The following RASGRP4 variants were observed in gnomAD, a reference collection of about 807,000 sequenced individuals.
The protein encoded by RASGRP4 is RAS guanyl releasing protein 4.
A neutral mutation model predicts 84.4 loss-of-function variants in RASGRP4; 52 were observed. That is an observed-to-expected ratio of 0.62 (90% confidence interval 0.49 to 0.78). The LOEUF (loss-of-function observed/expected upper bound fraction) is 0.78, where lower values mean the gene tolerates loss of function less well. RASGRP4 is among the 30% of genes least tolerant of loss of function. RASGRP4 has a pLI of 0.00. For synonymous variants in RASGRP4, 356 were observed against 359.1 expected (o/e 0.99, Z 0.10); for missense variants, 760 against 886.9 (o/e 0.86, Z 1.82).
Position 38,411,095 on chromosome 19 carries a change from C to T in RASGRP4, c.1852+20G>A, listed in dbSNP as rs746017154. The T allele has an allele frequency of 1.6e-5, 25 of 1,610,436 alleles. No homozygotes were observed. The South Asian group carries it at 1.6e-4, about 11-fold the overall frequency. Reference sequence around the variant, plus strand: ...TTTCCCCCAGGCCCCTTCCCAGCACCGGTGTGCTCTAGGTCTTACCACAGC... The same window carrying T: ...TTTCCCCCAGGCCCCTTCCCAGCACTGGTGTGCTCTAGGTCTTACCACAGC... On this transcript the variant is annotated intron_variant, in intron 15 of 16. Coordinates refer to ENST00000615439, the MANE Select transcript of RASGRP4 (RefSeq NM_170604.3).
At position 38,416,825 on chromosome 19, in the gene RASGRP4, C is replaced by T. The variant is rs538455254; in HGVS notation, c.954+227G>A. ...TCTCCCATCTGTCTCCCTCACAGTC[C>T]AGCTCCGGACCAGACACACTGAAAG... On this transcript the variant is annotated intron_variant, in intron 8 of 16. Coordinates refer to ENST00000615439, the MANE Select transcript of RASGRP4 (RefSeq NM_170604.3). 2.6e-5 allele frequency among the ~76,000 whole-genome samples: 4 copies of T among 152,268 alleles called. No individual in the cohort carries two copies. The South Asian group carries it at 8.3e-4, about 32-fold the overall frequency.
At chr19:38,425,155 A>G (rs1369448784) in intron 1 of RASGRP4, among the ~76,000 whole-genome samples, 1 of 150,810 alleles carries the variant, frequency 6.6e-6, no homozygotes, top group Non-Finnish European at 1.5e-5. Context: ...ACTGCACTCC[A>G]GCCTGGCGGC....
At chr19:38,425,657 G>T (rs958360492) in intron 1 of RASGRP4, among the ~76,000 whole-genome samples, 1 of 152,172 alleles carries the variant, frequency 6.6e-6, no homozygotes, top group Non-Finnish European at 1.5e-5. Context: ...GTCTGGAACA[G>T]CCAGGAGTGG....
In RASGRP4 at chr19:38,418,359, T is replaced by G; in HGVS notation, c.837+32A>C. On this transcript the variant is annotated intron_variant, in intron 7 of 16. Coordinates refer to ENST00000615439, the MANE Select transcript of RASGRP4 (RefSeq NM_170604.3). The surrounding 1 kb of genome is among the most constrained non-coding windows in gnomAD (Gnocchi z 4.6). ...GGAAGGACCAGGTGGCTGCGTGCAGTGGAGTTCGCAGCCCCAAGGGGCGGG... is the reference window on the plus strand; with the variant it reads ...GGAAGGACCAGGTGGCTGCGTGCAGGGGAGTTCGCAGCCCCAAGGGGCGGG... 1 of 1,585,194 alleles carries G rather than the reference T, an allele frequency of 6.3e-7. No homozygotes were observed. Among genetic ancestry groups the G allele is most frequent in the East Asian group, 2.3e-5 (1 of 43,506 alleles).
chr19:38,425,754 C>G (rs899915989), intron 1 of RASGRP4, among the ~76,000 whole-genome samples: 1 of 152,118 alleles, frequency 6.6e-6, no homozygotes, highest in African/African-American at 2.4e-5. Flanking sequence ...TTCCAGTCCA[C>G]GGGGATGGGG....
chr19:38,423,768 C>A (rs1053605386), intron 1 of RASGRP4, among the ~76,000 whole-genome samples: 2 of 151,872 alleles, frequency 1.3e-5, no homozygotes, highest in African/African-American at 4.8e-5. Context: ...ACCCAGGAGG[C>A]GGAGGTTGCA....
intron 2 of RASGRP4, 98 bp from the exon 3 acceptor site, chr19:38,421,298 T>A: frequency 1.2e-6 from 1 of 839,714 alleles, no homozygotes; most frequent in South Asian, 1.5e-5. Context: ...AAAGACCAGC[T>A]CTAACGGTGA....
Position 38,420,698 on chromosome 19 carries a change from G to C in RASGRP4, c.377+210C>G, listed in dbSNP as rs543765425. 4.0e-5 allele frequency among the ~76,000 whole-genome samples: 6 copies of C among 150,468 alleles called. No individual in the cohort carries two copies. In the South Asian group the frequency reaches 1.3e-3, roughly 32 times the overall value. ...AGGGTCTATGGGATCTGGTTGGTGAGGGGGGTCTCTAGGAAGTGGGGGTTC... is the reference window on the plus strand; with the variant it reads ...AGGGTCTATGGGATCTGGTTGGTGACGGGGGTCTCTAGGAAGTGGGGGTTC... On this transcript the variant is annotated intron_variant, in intron 4 of 16. Coordinates refer to ENST00000615439, the MANE Select transcript of RASGRP4 (RefSeq NM_170604.3).
At chr19:38,425,453 T>C (rs1438891218) in intron 1 of RASGRP4, among the ~76,000 whole-genome samples, 4 of 152,176 alleles carry the variant, frequency 2.6e-5, no homozygotes, top group African/African-American at 7.2e-5. Flanking sequence ...ACCACTAAAC[T>C]GCTGGGTGGG....
chr19:38,421,124 G>C lies in RASGRP4; in HGVS notation c.285C>G (p.Ser95=). ...TCAGCAGGCGGGCAGCCAGGTCGGC[G>C]GACGGCAGCACCCAGCTGTGCATGG... is the stretch of plus-strand genomic sequence containing the variant. ...VLAMHSWVLP[S]ADLAARLLTS... is the part of the protein sequence containing the mutation. The change falls in exon 3 of 17, where the codon TCC becomes TCG. Residue 95 remains serine, a synonymous_variant. Transcript: ENST00000615439. 1 of 1,613,830 alleles carries C rather than the reference G, an allele frequency of 6.2e-7. No individual in the cohort carries two copies. The highest frequency in any genetic ancestry group is 8.5e-7 in the Non-Finnish European group (1 of 1,179,814).
At position 38,419,992 on chromosome 19, in the gene RASGRP4, G is replaced by A; in HGVS notation, c.531C>T (p.Gly177=). 1 of 1,613,856 alleles carries A rather than the reference G, an allele frequency of 6.2e-7. No homozygotes were observed. Among genetic ancestry groups the A allele is most frequent in the African/African-American group, 1.3e-5 (1 of 75,058 alleles). ...CTGGGCTGCTCATTGGGAGTGGGGG[G>A]CCAGGGCCACCAGGGCTCAGGCTGG... ...SSDLLSPGGP[G]PPLPMSSPGL... The change falls in exon 6 of 17, where the codon GGC becomes GGT. Residue 177 remains glycine, a synonymous_variant. Coordinates refer to ENST00000615439, the MANE Select transcript of RASGRP4 (RefSeq NM_170604.3).
chr19:38,419,159 G>C (rs1019474033), intron 6 of RASGRP4, among the ~76,000 whole-genome samples: 1 of 152,156 alleles, frequency 6.6e-6, no homozygotes, highest in African/African-American at 2.4e-5. Flanking sequence ...ATGATGTCCA[G>C]ATGGCAAAAG....
chr19:38,420,064 G>A, intron 5 of RASGRP4, 51 bp from the exon 6 acceptor site: 1 of 1,609,286 alleles, frequency 6.2e-7, no homozygotes. Context: ...TTGAGGGCTT[G>A]GGGATATAGA....
rs1307442610 is a variant in RASGRP4, at chr19:38,410,006, A to T, written c.*34T>A. ...GGCAGGACTCAGGACTGACTGGGGG[A>T]AGGGAGTGAGGAAGAGAGGAGACCA... is the stretch of plus-strand genomic sequence containing the variant. On this transcript the variant is annotated 3_prime_UTR_variant, in exon 17 of 17. Coordinates refer to ENST00000615439, the MANE Select transcript of RASGRP4 (RefSeq NM_170604.3). The T allele has an allele frequency of 2.5e-6, 4 of 1,576,416 alleles. No individual in the cohort carries two copies.
Position 38,418,843 on chromosome 19 carries a change from A to G in RASGRP4, c.664-279T>C, listed in dbSNP as rs568106616. Among the ~76,000 whole-genome samples, 51 of 152,292 alleles carry G rather than the reference A, an allele frequency of 3.3e-4. No individual in the cohort carries two copies. Among genetic ancestry groups the G allele is most frequent in the South Asian group, 8.3e-4 (4 of 4,826 alleles). On this transcript the variant is annotated intron_variant, in intron 6 of 16. Coordinates refer to ENST00000615439, the MANE Select transcript of RASGRP4 (RefSeq NM_170604.3). The surrounding 1 kb of genome is among the most constrained non-coding windows in gnomAD (Gnocchi z 4.6). ...AACTCTATGAGGTGAGTATCATTCCATTTTAGAGGTGAGACAGTTGAGGCA... is the reference window on the plus strand; with the variant it reads ...AACTCTATGAGGTGAGTATCATTCCGTTTTAGAGGTGAGACAGTTGAGGCA...
intron 13 of RASGRP4, chr19:38,411,594 C>G (rs879687184): frequency 2.1e-5 from 12 of 558,678 alleles, no homozygotes; most frequent in Non-Finnish European, 3.8e-5. Flanking sequence ...GGTTGGGAGG[C>G]CAAGGTGGGA....
In RASGRP4 at chr19:38,412,627, C is replaced by T; in HGVS notation, c.1680+45G>A. On this transcript the variant is annotated intron_variant, in intron 13 of 16. Coordinates refer to ENST00000615439, the MANE Select transcript of RASGRP4 (RefSeq NM_170604.3). This position sits in a 1 kb window ranked among gnomAD's most constrained non-coding sequence, Gnocchi z 4.6. ...TCTGGGGTTTGCGGACTGCCGGCTT[C>T]AGGACAGATGGAACCTAAGGGTGGT... 3 of 1,586,650 alleles carry T rather than the reference C, an allele frequency of 1.9e-6. No individual in the cohort carries two copies. The highest frequency in any genetic ancestry group is 2.6e-6 in the Non-Finnish European group (3 of 1,166,112).
At chr19:38,420,052 A>G in intron 5 of RASGRP4, 39 bp from the exon 6 acceptor site, 8 of 1,610,358 alleles carry the variant, frequency 5.0e-6, no homozygotes, top group Non-Finnish European at 5.9e-6. Context: ...AGTGGCTCAC[A>G]GTTGAGGGCT....
In RASGRP4 at chr19:38,418,264, T is replaced by TCGGGGG. The variant is rs574351947; in HGVS notation, c.837+121_837+126dup. ...TGGTTGGAATGCCCAGGCTGTGGCCTCGGGGGCGGGGCCGGGAGATGCGTG... is the reference window on the plus strand; with the variant it reads ...TGGTTGGAATGCCCAGGCTGTGGCCTCGGGGGCGGGGGCGGGGCCGGGAGATGCGTG... On this transcript the variant is annotated intron_variant, in intron 7 of 16. Transcript: ENST00000615439. The surrounding 1 kb of genome is among the most constrained non-coding windows in gnomAD (Gnocchi z 4.6). The TCGGGGG allele has an allele frequency of 2.0e-3, 2,002 of 982,192 alleles. 38 individuals carry two copies. Among genetic ancestry groups the TCGGGGG allele is most frequent in the South Asian group, 0.02 (1,273 of 63,628 alleles). 60.8% of individuals were successfully genotyped at this position (982,192 alleles called of 1,614,324 possible). A position where few individuals can be genotyped will look rare whatever the true frequency, so the allele number is the denominator to read the frequency against.
Sources: allele counts gnomAD v4.1 joint callset (sites outside exome capture counted in the v4.1 genomes callset), GRCh38; gene constraint gnomAD v4.1.1; non-coding constraint Gnocchi (gnomAD v3.1); transcripts MANE v1.5; gene names NCBI Gene and HGNC (gene_info 2026-07-23, HGNC 2026-07-21).